LNP1: variants seen among roughly 807,000 people sequenced by gnomAD.
LNP1 encodes leukemia NUP98 fusion partner 1.
In LNP1, 12 loss-of-function variants were observed where a neutral mutation model predicts 14.5. The observed-to-expected ratio is 0.83, with a 90% CI of 0.53 to 1.34. The LOEUF (loss-of-function observed/expected upper bound fraction) is 1.34. Ranked by LOEUF, LNP1 falls within the 40% of genes most tolerant of loss-of-function variation. The pLI, the probability that LNP1 is intolerant of heterozygous loss-of-function variation, is 0.00. For missense variants in LNP1, 198 were observed against 210.9 expected (o/e 0.94, Z 0.38); for synonymous variants, 75 against 71.4 (o/e 1.05, Z -0.26).
intron 2 of LNP1, among the ~76,000 whole-genome samples, chr3:100,445,006 C>T (rs891603712): frequency 6.6e-6 from 1 of 152,208 alleles, no homozygotes; most frequent in Non-Finnish European, 1.5e-5. Flanking sequence ...GGTGCAGTGG[C>T]TCATGCCTGT....
At chr3:100,407,821 A>G (rs567063394) in intron 1 of LNP1, among the ~76,000 whole-genome samples, 1 of 152,162 alleles carries the variant, frequency 6.6e-6, no homozygotes, top group African/African-American at 2.4e-5. Context: ...ATATTTTCAT[A>G]TAACCTGTCT....
chr3:100,420,404 C>T (rs1038615721), intron 1 of LNP1, among the ~76,000 whole-genome samples: 4 of 152,126 alleles, frequency 2.6e-5, no homozygotes, highest in East Asian at 1.9e-4. Context: ...CTCAACCTCC[C>T]GAGCTCAAGC....
At chr3:100,403,390 C>T (rs1706932147) in intron 1 of LNP1, among the ~76,000 whole-genome samples, 1 of 151,590 alleles carries the variant, frequency 6.6e-6, no homozygotes, top group Non-Finnish European at 1.5e-5. Context: ...ACTGAAGAAG[C>T]TTTCTTCACC....
At chr3:100,412,604 G>A (rs1459509872) in intron 1 of LNP1, among the ~76,000 whole-genome samples, 2 of 152,086 alleles carry the variant, frequency 1.3e-5, no homozygotes, top group African/African-American at 4.8e-5. Flanking sequence ...TGGATTATAA[G>A]TATCTCAACA....
intron 2 of LNP1, among the ~76,000 whole-genome samples, chr3:100,431,508 G>T (rs938919556): frequency 6.6e-6 from 1 of 152,068 alleles, no homozygotes; most frequent in African/African-American, 2.4e-5. Context: ...GATTAAAAAA[G>T]TTAAAAATAT....
chr3:100,404,687 C>T (rs2148897612), intron 1 of LNP1, among the ~76,000 whole-genome samples: 1 of 152,188 alleles, frequency 6.6e-6, no homozygotes, highest in Non-Finnish European at 1.5e-5. Context: ...TACCTCTAGC[C>T]CTATATTTCT....
chr3:100,439,203 CA>C (rs2148905669), intron 2 of LNP1, among the ~76,000 whole-genome samples: 2 of 151,378 alleles, frequency 1.3e-5, no homozygotes, highest in Non-Finnish European at 2.9e-5. Context: ...CTCCCAGTCA[CA>C]AAACTTTAAT....
At chr3:100,442,354 G>T (rs1465776991) in intron 2 of LNP1, among the ~76,000 whole-genome samples, 2 of 152,188 alleles carry the variant, frequency 1.3e-5, no homozygotes, top group Non-Finnish European at 2.9e-5. Flanking sequence ...TGCCAAGGTT[G>T]AGGATGCGCA....
At chr3:100,452,067 G>A in intron 3 of LNP1, 118 bp downstream of exon 3, 1 of 579,506 alleles carries the variant, frequency 1.7e-6, no homozygotes, top group East Asian at 2.9e-5. Context: ...TTGGTAATAA[G>A]ATCTTTGAAA....
At chr3:100,442,074 C>T (rs547860657) in intron 2 of LNP1, among the ~76,000 whole-genome samples, 1 of 152,198 alleles carries the variant, frequency 6.6e-6, no homozygotes, top group East Asian at 1.9e-4. Context: ...AATATTTACC[C>T]TTATATTTCC....
chr3:100,449,733 T>C (rs555898328), intron 2 of LNP1, among the ~76,000 whole-genome samples: 1 of 152,144 alleles, frequency 6.6e-6, no homozygotes, highest in Non-Finnish European at 1.5e-5. Context: ...CACACACATC[T>C]TGAATGTTAG....
intron 3 of LNP1, among the ~76,000 whole-genome samples, chr3:100,454,534 A>C (rs1707490620): frequency 6.6e-6 from 1 of 152,212 alleles, no homozygotes; most frequent in Admixed American, 6.5e-5. Context: ...CATAAAAAAG[A>C]ACCAGAAACT....
At chr3:100,429,008 A>G (rs957795074) in intron 1 of LNP1, among the ~76,000 whole-genome samples, 1 of 152,198 alleles carries the variant, frequency 6.6e-6, no homozygotes, top group African/African-American at 2.4e-5. Context: ...GCAATGTTTT[A>G]TGTCTTTACC....
intron 2 of LNP1, among the ~76,000 whole-genome samples, chr3:100,438,596 T>C (rs1707313949): frequency 6.6e-6 from 1 of 152,208 alleles, no homozygotes; most frequent in Non-Finnish European, 1.5e-5. Flanking sequence ...AGTTTCACTG[T>C]CCTAAAAACC....
At chr3:100,419,442 T>G (rs927869243) in intron 1 of LNP1, among the ~76,000 whole-genome samples, 2 of 152,176 alleles carry the variant, frequency 1.3e-5, no homozygotes, top group African/African-American at 4.8e-5. Flanking sequence ...AAATTGACAT[T>G]GGTATAATCC....
chr3:100,409,525 T>A (rs1182907603), intron 1 of LNP1, among the ~76,000 whole-genome samples: 1 of 144,468 alleles, frequency 6.9e-6, no homozygotes, highest in Non-Finnish European at 1.5e-5. Flanking sequence ...CGCCTGCAAT[T>A]CCAGCTCTCT....
At chr3:100,448,713 G>T (rs373548227) in intron 2 of LNP1, among the ~76,000 whole-genome samples, 1 of 152,050 alleles carries the variant, frequency 6.6e-6, no homozygotes, top group Admixed American at 6.6e-5. Context: ...TCCTGATAAA[G>T]TATTTGATTC....
chr3:100,455,966 TG>T lies in LNP1; in HGVS notation c.*42del. Reference sequence around the variant, plus strand: ...CTCATGACATCAGATGCTACTGTTTTGGTTTTTTTCTTTGAGCCCCAATTCA... The same window carrying T: ...CTCATGACATCAGATGCTACTGTTTTGTTTTTTTCTTTGAGCCCCAATTCA... On this transcript the variant is annotated 3_prime_UTR_variant, in exon 4 of 4. Transcript: ENST00000383693. 1 of 1,570,610 alleles carries T rather than the reference TG, an allele frequency of 6.4e-7. No homozygotes were observed. The highest frequency in any genetic ancestry group is 8.6e-7 in the Non-Finnish European group (1 of 1,162,044).
chr3:100,440,274 G>T (rs1289948831), intron 2 of LNP1, among the ~76,000 whole-genome samples: 1 of 152,182 alleles, frequency 6.6e-6, no homozygotes, highest in Non-Finnish European at 1.5e-5. Context: ...GCTGTTGGGG[G>T]TTAGGGTTTC....
Sources: allele counts gnomAD v4.1 joint callset (sites outside exome capture counted in the v4.1 genomes callset), GRCh38; gene constraint gnomAD v4.1.1; transcripts MANE v1.5; gene names NCBI Gene and HGNC (gene_info 2026-07-23, HGNC 2026-07-21).